Variants in MARK1 observed in about 807,000 individuals in gnomAD.
The protein encoded by MARK1 is microtubule affinity regulating kinase 1.
In MARK1, 40 loss-of-function variants were observed where a neutral mutation model predicts 96.3. The ratio of observed to expected loss-of-function variants is 0.42; its 90% CI spans 0.32 to 0.54. MARK1 has a LOEUF of 0.54. Ranked by LOEUF, MARK1 falls within the 20% of genes least tolerant of loss-of-function variation. The pLI is 0.16. For missense variants in MARK1, 719 were observed against 984.6 expected, an observed-to-expected ratio of 0.73 and a Z score of 3.61; for synonymous variants, 317 against 341.2, an observed-to-expected ratio of 0.93 and a Z score of 0.78.
chr1:220,613,229 C>CAGA (rs1458203931), intron 6 of MARK1, among the ~76,000 whole-genome samples: 3 of 152,114 alleles, frequency 2.0e-5, no homozygotes, highest in Non-Finnish European at 4.4e-5. Flanking sequence ...AGTCAGAAGG[C>CAGA]AGAACTTCTT....
intron 1 of MARK1, among the ~76,000 whole-genome samples, chr1:220,573,569 C>G (rs1041855970): frequency 1.3e-5 from 2 of 152,072 alleles, no homozygotes; most frequent in African/African-American, 4.8e-5. Context: ...GTGATCCACC[C>G]ACCTCAGCCT....
intron 6 of MARK1, among the ~76,000 whole-genome samples, chr1:220,604,360 A>G (rs1451575239): frequency 4.6e-5 from 7 of 152,068 alleles, no homozygotes; most frequent in Non-Finnish European, 8.8e-5. Context: ...ATAAATATTT[A>G]TAGATGAGAC....
chr1:220,570,326 C>A (rs1057194307), intron 1 of MARK1, among the ~76,000 whole-genome samples: 6 of 152,156 alleles, frequency 3.9e-5, no homozygotes, highest in Admixed American at 2.6e-4. Flanking sequence ...CTGTCTCTTA[C>A]AACTTTTTGA....
chr1:220,595,344 A>G (rs1451251721), intron 3 of MARK1, among the ~76,000 whole-genome samples: 1 of 152,212 alleles, frequency 6.6e-6, no homozygotes, highest in Non-Finnish European at 1.5e-5. Context: ...TTTGACAAGC[A>G]ATCAGTAGCA....
chr1:220,614,133 G>T lies in MARK1; in HGVS notation c.496-1806G>T, dbSNP rs144502019. Among the ~76,000 whole-genome samples the T allele has an allele frequency of 2.1e-3, 318 of 151,960 alleles. 14 individuals carry two copies. In the East Asian group the frequency reaches 0.055, roughly 27 times the overall value. ...AGAAATCCTCCTGCCTCAGCCTCCC[G>T]TGTAGCTGGGACCACAGGTGCACAC... On this transcript the variant is annotated intron_variant, in intron 6 of 17. Transcript: ENST00000366917.
chr1:220,585,943 T>G (rs1266862453), intron 3 of MARK1, among the ~76,000 whole-genome samples: 2 of 152,094 alleles, frequency 1.3e-5, no homozygotes, highest in South Asian at 4.1e-4. Context: ...GTCACTGTTA[T>G]CTTCTTGTAG....
intron 16 of MARK1, among the ~76,000 whole-genome samples, chr1:220,655,855 A>G (rs141419002): frequency 1.4e-4 from 21 of 152,202 alleles, no homozygotes; most frequent in Middle Eastern, 6.8e-3. Flanking sequence ...TAACCTGGCC[A>G]TCCATTTCTG....
chr1:220,638,117 A>T (rs952929888), intron 13 of MARK1, among the ~76,000 whole-genome samples: 21 of 140,618 alleles, frequency 1.5e-4, no homozygotes, highest in South Asian at 4.6e-4. Context: ...TGGGGCTTAA[A>T]TTTTTTTTTT....
At chr1:220,612,241 A>G (rs538999697) in intron 6 of MARK1, among the ~76,000 whole-genome samples, 2 of 152,338 alleles carry the variant, frequency 1.3e-5, no homozygotes, top group African/African-American at 4.8e-5. Context: ...ACTATATGGA[A>G]TTAGAGAAGT....
intron 3 of MARK1, among the ~76,000 whole-genome samples, chr1:220,582,648 C>G (rs538992129): frequency 2.0e-5 from 3 of 152,258 alleles, no homozygotes; most frequent in Admixed American, 1.3e-4. Context: ...CACAGCAATG[C>G]GACTCCTACT....
chr1:220,555,395 A>T (rs1015909996), intron 1 of MARK1, among the ~76,000 whole-genome samples: 34 of 152,312 alleles, frequency 2.2e-4, no homozygotes, highest in South Asian at 2.1e-4. Flanking sequence ...GGAGGATGCA[A>T]AATAATGAGA....
chr1:220,529,414 A>T (rs1226002628), intron 1 of MARK1, among the ~76,000 whole-genome samples: 1 of 152,080 alleles, frequency 6.6e-6, no homozygotes, highest in Non-Finnish European at 1.5e-5. Flanking sequence ...GGAAGTGGAG[A>T]TGTGTGCGTG....
intron 1 of MARK1, among the ~76,000 whole-genome samples, chr1:220,537,834 T>C (rs1286779207): frequency 2.6e-5 from 4 of 152,184 alleles, no homozygotes; most frequent in South Asian, 2.1e-4. Context: ...TCTCTGATGG[T>C]CAGTGATGAT....
chr1:220,583,814 A>ATTTTTTTTTTTTT (rs34848222), intron 3 of MARK1, among the ~76,000 whole-genome samples: 128 of 105,212 alleles, frequency 1.2e-3, no homozygotes, highest in Non-Finnish European at 1.6e-3. Context: ...TGCCTGGCTA[A>ATTTTTTTTTTTTT]TTTTTTTTTT....
chr1:220,601,823 A>G (rs1338512876), intron 5 of MARK1, among the ~76,000 whole-genome samples: 1 of 151,926 alleles, frequency 6.6e-6, no homozygotes, highest in East Asian at 1.9e-4. Context: ...GGCCTTCACC[A>G]CTCTCCTTCA....
chr1:220,626,848 C>A, intron 9 of MARK1: 5 of 406,888 alleles, frequency 1.2e-5, no homozygotes, highest in Non-Finnish European at 1.4e-5. Context: ...TTGAGGGGGG[C>A]ATGCCAAGTG....
intron 1 of MARK1, among the ~76,000 whole-genome samples, chr1:220,539,653 A>G (rs901924147): frequency 6.6e-6 from 1 of 152,076 alleles, no homozygotes; most frequent in East Asian, 1.9e-4. Context: ...TTTTCCTTCT[A>G]TGAATGTGGT....
rs1386093814 is a variant in MARK1, at chr1:220,587,949, T to G, written c.309+6831T>G. Reference sequence around the variant, plus strand: ...TGAAGGGCATGCATAGCCTCAACTTTACTAGATAATGTCAAATTGCTCTCC... The same window carrying G: ...TGAAGGGCATGCATAGCCTCAACTTGACTAGATAATGTCAAATTGCTCTCC... On this transcript the variant is annotated intron_variant, in intron 3 of 17. Transcript: ENST00000366917. 4.6e-5 allele frequency among the ~76,000 whole-genome samples: 7 copies of G among 152,344 alleles called. No individual in the cohort carries two copies. The East Asian group carries it at 1.4e-3, about 29-fold the overall frequency.
At chr1:220,557,060 T>A (rs1161902187) in intron 1 of MARK1, among the ~76,000 whole-genome samples, 2 of 152,076 alleles carry the variant, frequency 1.3e-5, no homozygotes, top group Non-Finnish European at 2.9e-5. Context: ...GCACAGCAAG[T>A]ACCAGCAGAA....
Sources: allele counts gnomAD v4.1 joint callset (sites outside exome capture counted in the v4.1 genomes callset), GRCh38; gene constraint gnomAD v4.1.1; transcripts MANE v1.5; gene names NCBI Gene and HGNC (gene_info 2026-07-23, HGNC 2026-07-21).